Variants in THRB observed in about 807,000 individuals in gnomAD.
THRB encodes nuclear receptor subfamily 1 group A member 2.
A neutral mutation model predicts 47.8 loss-of-function variants in THRB; 12 were observed. The ratio of observed to expected loss-of-function variants is 0.25; its 90% CI spans 0.16 to 0.41. THRB has a LOEUF of 0.41. THRB is among the 10% of genes least tolerant of loss of function. The pLI, the probability that THRB is intolerant of heterozygous loss-of-function variation, is 1.00. For missense variants in THRB, 348 were observed against 589.2 expected (o/e 0.59, Z 4.24); for synonymous variants, 218 against 212.2 (o/e 1.03, Z -0.24).
At chr3:24,415,095 C>T (rs1456404542) in intron 1 of THRB, among the ~76,000 whole-genome samples, 1 of 151,814 alleles carries the variant, frequency 6.6e-6, no homozygotes, top group Non-Finnish European at 1.5e-5. Flanking sequence ...GAGACAGTCT[C>T]TTGCTGCATC....
intron 1 of THRB, among the ~76,000 whole-genome samples, chr3:24,422,837 A>G (rs1187604427): frequency 1.3e-5 from 2 of 151,610 alleles, no homozygotes; most frequent in Admixed American, 1.3e-4. Flanking sequence ...TGCACATGCC[A>G]CCCCCTCTTG....
At chr3:24,430,626 T>C (rs1451296097) in intron 1 of THRB, 1 of 152,000 alleles carries the variant, frequency 6.6e-6, no homozygotes, top group Non-Finnish European at 1.5e-5. Context: ...ATTTAAGTAC[T>C]AAAAGAAAGA....
chr3:24,460,196 A>G (rs1040374132), intron 1 of THRB, among the ~76,000 whole-genome samples: 3 of 152,246 alleles, frequency 2.0e-5, no homozygotes, highest in African/African-American at 7.2e-5. Flanking sequence ...TGGAAAGGTT[A>G]AAGTGACAGG....
chr3:24,296,620 A>C (rs2056468267), intron 3 of THRB, among the ~76,000 whole-genome samples: 1 of 152,236 alleles, frequency 6.6e-6, no homozygotes, highest in Non-Finnish European at 1.5e-5. Flanking sequence ...TGACCAGTAC[A>C]GGAACAAAAG....
At chr3:24,288,537 C>T (rs1376217788) in intron 3 of THRB, among the ~76,000 whole-genome samples, 2 of 152,004 alleles carry the variant, frequency 1.3e-5, no homozygotes, top group Non-Finnish European at 2.9e-5. Context: ...AGATTTAATA[C>T]CTGTTTATTT....
chr3:24,437,957 A>G (rs2071135763), intron 1 of THRB, among the ~76,000 whole-genome samples: 1 of 151,564 alleles, frequency 6.6e-6, no homozygotes, highest in South Asian at 2.1e-4. Flanking sequence ...CACAAGCAGG[A>G]CGGCATCTTA....
chr3:24,136,155 T>C (rs75587237), intron 8 of THRB, among the ~76,000 whole-genome samples: 5 of 152,132 alleles, frequency 3.3e-5, no homozygotes, highest in African/African-American at 9.7e-5. Flanking sequence ...CAAGGAAATA[T>C]GGCAATTTTA....
intron 1 of THRB, chr3:24,486,592 A>G (rs1484165667): frequency 6.6e-6 from 1 of 152,242 alleles, no homozygotes; most frequent in East Asian, 1.9e-4. Context: ...CACTTTAGCA[A>G]TACCTTATGT....
intron 3 of THRB, among the ~76,000 whole-genome samples, chr3:24,262,183 C>T (rs1021768372): frequency 6.6e-6 from 1 of 152,192 alleles, no homozygotes; most frequent in Non-Finnish European, 1.5e-5. Context: ...CATCCTCTGT[C>T]TTCCTTAATC....
intron 4 of THRB, 115 bp downstream of exon 4, chr3:24,228,823 G>T: frequency 4.2e-6 from 4 of 945,088 alleles, no homozygotes; most frequent in Non-Finnish European, 6.7e-6. Context: ...AACACTTATT[G>T]GTTTGGAAAT....
At chr3:24,152,599 G>A in intron 5 of THRB, 109 bp from the exon 6 acceptor site, 2 of 707,334 alleles carry the variant, frequency 2.8e-6, no homozygotes, top group Non-Finnish European at 5.2e-6. Context: ...CCAGGAAGAG[G>A]TAACAACAGT....
At chr3:24,315,273 T>C (rs1217401873) in intron 2 of THRB, among the ~76,000 whole-genome samples, 1 of 152,200 alleles carries the variant, frequency 6.6e-6, no homozygotes, top group African/African-American at 2.4e-5. Flanking sequence ...TCTGGGCTTT[T>C]AGGACCTGCC....
At position 24,485,799 on chromosome 3, in the gene THRB, C is replaced by T. The variant is rs140084424; in HGVS notation, c.-261+8853G>A. Among the ~76,000 whole-genome samples the T allele has an allele frequency of 8.5e-5, 13 of 152,302 alleles. No individual in the cohort carries two copies. In the East Asian group the frequency reaches 2.3e-3, roughly 27 times the overall value. ...CACCCCTATGGGTTCCCACAATGTA[C>T]ATTGTACTTAACTATGTCATTGGAC... is the stretch of plus-strand genomic sequence containing the variant. On this transcript the variant is annotated intron_variant, in intron 1 of 10. Transcript: ENST00000646209.
intron 9 of THRB, among the ~76,000 whole-genome samples, chr3:24,132,266 C>T (rs2033978459): frequency 6.6e-6 from 1 of 152,082 alleles, no homozygotes; most frequent in Non-Finnish European, 1.5e-5. Context: ...TTTCTGGGTC[C>T]TCTTGAAGGT....
chr3:24,491,648 C>T (rs970884119), intron 1 of THRB, among the ~76,000 whole-genome samples: 2 of 152,216 alleles, frequency 1.3e-5, no homozygotes, highest in African/African-American at 2.4e-5. Context: ...ACCACTTTTG[C>T]AGCCCAAATT....
chr3:24,390,625 A>G (rs2066485635), intron 1 of THRB, among the ~76,000 whole-genome samples: 1 of 151,918 alleles, frequency 6.6e-6, no homozygotes, highest in South Asian at 2.1e-4. Context: ...AGATAAGTCA[A>G]CACTTGGTAG....
At position 24,467,355 on chromosome 3, in the gene THRB, G is replaced by A. The variant is rs369323928; in HGVS notation, c.-261+27297C>T. Among the ~76,000 whole-genome samples, 22 of 152,248 alleles carry A rather than the reference G, an allele frequency of 1.4e-4. No individual in the cohort carries two copies. In the East Asian group the frequency reaches 3.5e-3, roughly 24 times the overall value. ...CAACTTCTTCCAAACTCCTGTTAAT[G>A]TTGATATTTTGACCTCCTCCCAGGA... On this transcript the variant is annotated intron_variant, in intron 1 of 10. Coordinates refer to ENST00000646209, the MANE Select transcript of THRB (RefSeq NM_001354712.2).
chr3:24,206,244 G>T (rs1367357232), intron 4 of THRB, among the ~76,000 whole-genome samples: 3 of 152,018 alleles, frequency 2.0e-5, no homozygotes, highest in Non-Finnish European at 4.4e-5. Context: ...TGACCACATA[G>T]TTGGAAGTAA....
intron 1 of THRB, among the ~76,000 whole-genome samples, chr3:24,473,795 A>C (rs1009075858): frequency 1.3e-5 from 2 of 152,108 alleles, no homozygotes; most frequent in African/African-American, 2.4e-5. Context: ...GCAGGGACAT[A>C]GATGAAGCTG....
Sources: allele counts gnomAD v4.1 joint callset (sites outside exome capture counted in the v4.1 genomes callset), GRCh38; gene constraint gnomAD v4.1.1; transcripts MANE v1.5; gene names NCBI Gene and HGNC (gene_info 2026-07-23, HGNC 2026-07-21).